The following SLC4A11 variants were observed in gnomAD, a reference collection of about 807,000 sequenced individuals.
The protein encoded by SLC4A11 is bicarbonate transporter related protein 1.
SLC4A11 carries 74 observed loss-of-function variants against 95.0 expected under a neutral mutation model. The observed-to-expected ratio is 0.78, with a 90% confidence interval of 0.65 to 0.95. The LOEUF (loss-of-function observed/expected upper bound fraction) is 0.95, where lower values mean the gene tolerates loss of function less well. Among genes scored for constraint, SLC4A11 ranks in the 40% least tolerant of loss-of-function variants. SLC4A11 has a pLI of 0.00. For missense variants in SLC4A11, 1,081 were observed against 1,192.4 expected (o/e 0.91, Z 1.38); for synonymous variants, 548 against 519.0 (o/e 1.06, Z -0.76).
chr20:3,239,367 C>A, upstream of SLC4A11: 1 of 1,125,698 alleles, frequency 8.9e-7, no homozygotes, highest in Non-Finnish European at 1.1e-6. Flanking sequence ...GCTGCTCCAG[C>A]CGGGCTGGGC....
At chr20:3,237,752 G>A (rs981077357) in intron 1 of SLC4A11, 164 bp from the exon 2 acceptor site, 17 of 1,613,296 alleles carry the variant, frequency 1.1e-5, no homozygotes, top group Admixed American at 6.7e-5. Context: ...GTGCTCGGGA[G>A]GGGGCCCCAT....
chr20:3,228,894 G>T lies in SLC4A11; in HGVS notation c.2136C>A (p.His712Gln). Residue 712 changes from histidine (H) to glutamine (Q), a missense_variant, in exon 17 of 20, where the codon CAC becomes CAA. By Grantham distance (24) the His-to-Gln change is conservative. Transcript: ENST00000642402. ...CCTCCACTAAGGCCAGGGCTCGCAC[G>T]TGCAGCGGGGAGTGGGGGTAGGCGG... The part of the protein sequence containing the change: ...IHAAYPHSPL[H>Q]VRALALVEER... 1 of 1,613,962 alleles carries T rather than the reference G, an allele frequency of 6.2e-7. No individual in the cohort carries two copies. The highest frequency in any genetic ancestry group is 8.5e-7 in the Non-Finnish European group (1 of 1,180,022).
rs60867877 is a variant in SLC4A11 at position 3,237,481 on chromosome 20, A to C, written c.88+63T>G. 3 of 1,542,902 alleles carry C rather than the reference A, an allele frequency of 1.9e-6. No homozygotes were observed. The African/African-American group carries it at 4.1e-5, about 21-fold the overall frequency. On this transcript the variant is annotated intron_variant, in intron 2 of 19. Transcript: ENST00000642402. ...CAGGACTCTGGTGGGTAGGCTATGC[A>C]CCCTGGAGGCTTTTGCCCGACAAGC...
At chr20:3,238,024 T>C in intron 1 of SLC4A11, 2 of 1,539,472 alleles carry the variant, frequency 1.3e-6, no homozygotes, top group Non-Finnish European at 1.8e-6. Context: ...CACATCCCTC[T>C]TCTCACTCTC....
chr20:3,238,019 C>T (rs960734200), intron 1 of SLC4A11: 50 of 1,540,966 alleles, frequency 3.2e-5, no homozygotes, highest in Non-Finnish European at 3.2e-5. Context: ...CTCTGCACAT[C>T]CCTCTTCTCA....
In SLC4A11 at chr20:3,234,166, G is replaced by C; in HGVS notation, c.440C>G (p.Pro147Arg). ...GTTGCAGTTGGGCTCATTGTTGTCA[G>C]GGTCCCTGGCGAAGCGGCGAAGCAT... ...RTMLRRFARD[P>R]DNNEPNCNLD... Residue 147 changes from proline (P) to arginine (R), a missense_variant, in exon 5 of 20, where the codon CCT becomes CGT. Transcript: ENST00000642402. The surrounding 1 kb of genome is among the most constrained non-coding windows in gnomAD (Gnocchi z 5.8). The C allele has an allele frequency of 2.5e-6, 4 of 1,614,136 alleles. No homozygotes were observed. Among genetic ancestry groups the C allele is most frequent in the Non-Finnish European group, 3.4e-6 (4 of 1,180,012 alleles).
Position 3,230,995 on chromosome 20 carries a change from G to A in SLC4A11, c.1106C>T (p.Ala369Val). 1 of 1,614,006 alleles carries A rather than the reference G, an allele frequency of 6.2e-7. No homozygotes were observed. Among genetic ancestry groups the A allele is most frequent in the Non-Finnish European group, 8.5e-7 (1 of 1,180,016 alleles). The change falls in exon 10 of 20, where the codon GCC becomes GTC. Residue 369 changes from alanine (A) to valine (V), a missense_variant. By Grantham distance (64) the Ala-to-Val change is moderately conservative. Coordinates refer to ENST00000642402, the MANE Select transcript of SLC4A11 (RefSeq NM_001174089.2). The stretch of plus-strand genomic sequence containing the variant: ...GAAAGCGATGGTGGGCAGGAGGCAG[G>A]CGAAGTAGAGGAACAGGGTGGTGGT... ...YITTTLFLYF[A>V]CLLPTIAFGS...
At chr20:3,238,168 C>A (rs1600623747) in intron 1 of SLC4A11, 1 of 1,442,036 alleles carries the variant, frequency 6.9e-7, no homozygotes. Context: ...GCCTGGAAGC[C>A]AGAGCCGTTG....
At chr20:3,233,696 G>A (rs374914763) in intron 6 of SLC4A11, 59 bp from the exon 7 acceptor site, 26 of 1,603,316 alleles carry the variant, frequency 1.6e-5, no homozygotes, top group Admixed American at 5.0e-5. Flanking sequence ...GGGGCTCCCC[G>A]ACCCAGAACC....
Position 3,228,345 on chromosome 20 carries a change from C to G in SLC4A11, c.2472G>C (p.Leu824=). ...TCATGCCGAAGGCACACAGCAGCAGCAGCTGAAGCACCTGCAGGCCCGTGA... is the reference window on the plus strand; with the variant it reads ...TCATGCCGAAGGCACACAGCAGCAGGAGCTGAAGCACCTGCAGGCCCGTGA... ...HYFTGLQVLQ[L]LLLCAFGMSS... Residue 824 remains leucine (L), a synonymous_variant, in exon 19 of 20, where the codon CTG becomes CTC. Transcript: ENST00000642402. 1 of 1,613,318 alleles carries G rather than the reference C, an allele frequency of 6.2e-7. No homozygotes were observed. Among genetic ancestry groups the G allele is most frequent in the Non-Finnish European group, 8.5e-7 (1 of 1,179,984 alleles).
intron 1 of SLC4A11, chr20:3,238,120 C>T: frequency 6.9e-7 from 1 of 1,454,090 alleles, no homozygotes; most frequent in Non-Finnish European, 9.1e-7. Context: ...CGGGGGCCGA[C>T]AGGCAACGGT....
rs1230470570 is a variant in SLC4A11, at chr20:3,234,886, TGTA to T, written c.94_96del (p.Tyr32del). The T allele has an allele frequency of 1.2e-6, 2 of 1,613,804 alleles. No homozygotes were observed. Among genetic ancestry groups the T allele is most frequent in the East Asian group, 2.2e-5 (1 of 44,868 alleles). On this transcript the variant is annotated inframe_deletion, in exon 3 of 20. Transcript: ENST00000642402. This position sits in a 1 kb window ranked among gnomAD's most constrained non-coding sequence, Gnocchi z 5.8. ...TCGAAGGTGTCATCTGTGTCACACTTGTAGTAGCCTAGAGACCCCCAAGAGCAA... is the reference window on the plus strand; with the variant it reads ...TCGAAGGTGTCATCTGTGTCACACTTGTAGCCTAGAGACCCCCAAGAGCAA...
chr20:3,232,845 G>T (rs758315395), intron 7 of SLC4A11, among the ~76,000 whole-genome samples: 1 of 152,244 alleles, frequency 6.6e-6, no homozygotes, highest in Non-Finnish European at 1.5e-5. Context: ...TCAGCTCTGG[G>T]CTATTGCTCC....
chr20:3,236,390 C>A (rs1381734223), intron 2 of SLC4A11, among the ~76,000 whole-genome samples: 2 of 152,148 alleles, frequency 1.3e-5, no homozygotes, highest in African/African-American at 2.4e-5. Context: ...TCCTGGCTAA[C>A]AATGGCTAAC....
Position 3,229,243 on chromosome 20 carries a change from G to A in SLC4A11, c.1870C>T (p.Pro624Ser). 6.2e-7 allele frequency: 1 copy of A among 1,612,982 alleles called. No individual in the cohort carries two copies. The highest frequency in any genetic ancestry group is 1.1e-5 in the South Asian group (1 of 91,076). ...GCCATCGCAAAGGGGCTCTCGCTGG[G>A]GTTGTAGCGGAACTTGCTCACTGCA... ...EIEMSKFRYN[P>S]SESPFAMAQI... is the part of the protein sequence containing the mutation. The change falls in exon 16 of 20, where the codon CCC (proline) becomes TCC (serine). Residue 624 changes from proline to serine, a missense_variant. Transcript: ENST00000642402.
intron 15 of SLC4A11, 32 bp downstream of exon 15, chr20:3,229,314 C>A (rs371853246): frequency 6.2e-7 from 1 of 1,613,034 alleles, no homozygotes; most frequent in Admixed American, 1.7e-5. Context: ...GGGGAGCTAC[C>A]CCACGTCACC....
At chr20:3,230,112 C>T (rs1439591989) in intron 13 of SLC4A11, 75 bp downstream of exon 13, 1 of 1,542,148 alleles carries the variant, frequency 6.5e-7, no homozygotes, top group African/African-American at 1.4e-5. Flanking sequence ...CTATGTGCCC[C>T]CAGCCAGGGG....
chr20:3,229,728 T>C lies in SLC4A11; in HGVS notation c.1538A>G (p.Lys513Arg), dbSNP rs1461721516. Residue 513 changes from lysine to arginine, a missense_variant, in exon 14 of 20, where the codon AAA becomes AGA. Lys to Arg is a conservative substitution (Grantham distance 26, BLOSUM62 2). Coordinates refer to ENST00000642402, the MANE Select transcript of SLC4A11 (RefSeq NM_001174089.2). ...YGHYLDDYHTKRTSSLVSLSG... is the reference protein window; with the variant it reads ...YGHYLDDYHTRRTSSLVSLSG... ...CAGGCTGACAAGGGATGAAGTCCTT[T>C]TTGTGTGATAGTCGTCCAAGTAATG... The C allele has an allele frequency of 6.2e-7, 1 of 1,613,998 alleles. No individual in the cohort carries two copies.
Position 3,231,532 on chromosome 20 carries a change from G to T in SLC4A11, c.746C>A (p.Ala249Glu). Residue 249 changes from alanine to glutamate, a missense_variant, in exon 8 of 20, where the codon GCG (alanine) becomes GAG (glutamate). Ala to Glu is a moderately radical substitution (Grantham distance 107, BLOSUM62 -1). Transcript: ENST00000642402. This position sits in a 1 kb window ranked among gnomAD's most constrained non-coding sequence, Gnocchi z 5.2. The part of the protein sequence containing the change: ...APPKMKSTKT[A>E]MEVARTFATM... ...GGCAAACGTGCGCGCCACCTCCATC[G>T]CAGTCTTAGTGCTTTTCTAGGGGTG... 3 of 1,613,700 alleles carry T rather than the reference G, an allele frequency of 1.9e-6. No individual in the cohort carries two copies. The highest frequency in any genetic ancestry group is 2.5e-6 in the Non-Finnish European group (3 of 1,179,996).
Sources: gnomAD v4.1 joint callset for allele counts (sites outside exome capture counted in the v4.1 genomes callset) on GRCh38, gnomAD v4.1.1 for gene constraint, Gnocchi (gnomAD v3.1) non-coding constraint, MANE v1.5 for transcripts, NCBI Gene and HGNC (gene_info 2026-07-23, HGNC 2026-07-21) for gene names.